The following CENPI variants were observed in gnomAD, a reference collection of about 807,000 sequenced individuals.
CENPI encodes centromere protein I.
In CENPI, 4 loss-of-function variants were observed where a neutral mutation model predicts 60.4. The observed-to-expected ratio is 0.07, with a 90% CI of 0.03 to 0.15. The LOEUF (loss-of-function observed/expected upper bound fraction) is 0.15, where lower values mean the gene tolerates loss of function less well. Among genes scored for constraint, CENPI ranks in the 10% least tolerant of loss-of-function variants. CENPI has a pLI of 1.00. For synonymous variants in CENPI, 157 were observed against 189.4 expected, an observed-to-expected ratio of 0.83 and a Z score of 1.40; for missense variants, 444 against 534.5, an observed-to-expected ratio of 0.83 and a Z score of 1.67.
At chrX:101,129,881 G>A (rs1174727020) in intron 12 of CENPI, 101 bp from the exon 13 acceptor site, 7 of 555,816 alleles carry the variant, frequency 1.3e-5, no homozygotes, top group Non-Finnish European at 2.1e-5. Context: ...GAGACTTATG[G>A]CTTTTTTACT....
At chrX:101,126,992 C>T in intron 9 of CENPI, 146 bp from the exon 10 acceptor site, 2 of 583,236 alleles carry the variant, frequency 3.4e-6, no homozygotes, top group Non-Finnish European at 2.6e-6. Context: ...TAATAGATTA[C>T]TAATCAGAAA....
At chrX:101,126,668 A>G (rs1321030999) in intron 8 of CENPI, 41 bp from the exon 9 acceptor site, 2 of 1,045,957 alleles carry the variant, frequency 1.9e-6, no homozygotes, top group Non-Finnish European at 2.7e-6. Context: ...CAGTTTCTTA[A>G]TAGCCACAGA....
At chrX:101,136,373 A>G (rs1216838972) in intron 15 of CENPI, among the ~76,000 whole-genome samples, 1 of 111,836 alleles carries the variant, frequency 8.9e-6, no homozygotes. Context: ...TCAATGAAAG[A>G]GGACAAGAAG....
downstream of CENPI, among the ~76,000 whole-genome samples, chrX:101,166,898 T>G (rs1167158702): frequency 8.9e-6 from 1 of 112,191 alleles, no homozygotes; most frequent in Non-Finnish European, 1.9e-5. Context: ...TAGCTGGGAT[T>G]ACAGGCACAT....
At chrX:101,147,074 C>T (rs1280301146) in intron 18 of CENPI, among the ~76,000 whole-genome samples, 1 of 111,741 alleles carries the variant, frequency 8.9e-6, no homozygotes, top group Non-Finnish European at 1.9e-5. Flanking sequence ...AGGACTATGT[C>T]AAGGTTAAAA....
At chrX:101,176,949 T>G in the CENPI span, among the ~76,000 whole-genome samples, 1 of 112,491 alleles carries the variant, frequency 8.9e-6, no homozygotes, top group Non-Finnish European at 1.9e-5. Flanking sequence ...CTATTATTGG[T>G]GGAGGCTGTG....
chrX:101,143,190 G>T lies in CENPI; in HGVS notation c.1566-1874G>T, dbSNP rs192660863. ...TGCCTTGGCACTGAAGTATCATGGT[G>T]GTGGGCAGTAGTAGAGTCATCATCA... is the stretch of plus-strand genomic sequence containing the variant. On this transcript the variant is annotated intron_variant, in intron 16 of 21. Coordinates refer to ENST00000682095, the MANE Select transcript of CENPI (RefSeq NM_001386188.2). Among the ~76,000 whole-genome samples the T allele has an allele frequency of 5.4e-5, 6 of 110,707 alleles. No homozygotes were observed. The East Asian group carries it at 1.7e-3, about 31-fold the overall frequency.
In CENPI at chrX:101,161,511, G is replaced by T; in HGVS notation, c.2095-17G>T. ...TTTGTTTTGCTTTGTTTTGTTTTTT[G>T]TTTGTTTGTTTTTAAGGAAAGCCCA... On this transcript the variant is annotated splice_polypyrimidine_tract_variant and intron_variant, in intron 20 of 21. Coordinates refer to ENST00000682095, the MANE Select transcript of CENPI (RefSeq NM_001386188.2). 1 of 1,201,175 alleles carries T rather than the reference G, an allele frequency of 8.3e-7. No homozygotes were observed. Among genetic ancestry groups the T allele is most frequent in the Non-Finnish European group, 1.1e-6 (1 of 887,339 alleles).
rs192331438 is a variant in CENPI at position 101,133,159 on chromosome X, C to T, written c.1470+703C>T. ...ACATGTTGTCCTGGTTAGCGTTTGT[C>T]GTAATTGAATGGCACTTGATTAATT... On this transcript the variant is annotated intron_variant, in intron 15 of 21. Coordinates refer to ENST00000682095, the MANE Select transcript of CENPI (RefSeq NM_001386188.2). Among the ~76,000 whole-genome samples, 168 of 110,063 alleles carry T rather than the reference C, an allele frequency of 1.5e-3. 1 individual carries two copies. Among genetic ancestry groups the T allele is most frequent in the African/African-American group, 5.3e-3 (161 of 30,431 alleles).
the CENPI span, among the ~76,000 whole-genome samples, chrX:101,175,710 AT>A: frequency 2.7e-5 from 3 of 111,914 alleles, no homozygotes; most frequent in Admixed American, 2.9e-4. Context: ...CATGGGATAC[AT>A]TATTACATGT....
the CENPI span, among the ~76,000 whole-genome samples, chrX:101,181,556 TAC>T: frequency 1.8e-5 from 2 of 112,496 alleles, no homozygotes; most frequent in Non-Finnish European, 3.8e-5. Flanking sequence ...TCGATGCTAT[TAC>T]AGATGAAATA....
At chrX:101,159,579 C>T (rs2090087865) in intron 20 of CENPI, among the ~76,000 whole-genome samples, 3 of 111,011 alleles carry the variant, frequency 2.7e-5, no homozygotes, top group Non-Finnish European at 5.7e-5. Flanking sequence ...CTGCCTCAGC[C>T]TCCCAAGTAG....
the CENPI span, among the ~76,000 whole-genome samples, chrX:101,176,415 C>T: frequency 2.7e-5 from 3 of 110,910 alleles, no homozygotes; most frequent in East Asian, 5.7e-4. Flanking sequence ...TATAAGCATT[C>T]CCCTTTCACA....
At chrX:101,139,064 C>T (rs1406493778) in intron 15 of CENPI, among the ~76,000 whole-genome samples, 1 of 97,012 alleles carries the variant, frequency 1.0e-5, no homozygotes, top group Admixed American at 1.2e-4. Flanking sequence ...GCTGGGATTA[C>T]AGACGTGAGC....
chrX:101,147,176 T>C (rs1203411206), intron 18 of CENPI, among the ~76,000 whole-genome samples: 1 of 111,861 alleles, frequency 8.9e-6, no homozygotes, highest in Non-Finnish European at 1.9e-5. Flanking sequence ...TAGGAAAACA[T>C]GTTCTATATC....
intron 20 of CENPI, among the ~76,000 whole-genome samples, chrX:101,159,473 T>C (rs1401289257): frequency 1.8e-5 from 2 of 108,786 alleles, no homozygotes; most frequent in African/African-American, 6.7e-5. Context: ...TTTTTTTCTT[T>C]GTGAGACGGA....
downstream of CENPI, among the ~76,000 whole-genome samples, chrX:101,167,925 G>A (rs2090148260): frequency 8.9e-6 from 1 of 111,871 alleles, no homozygotes; most frequent in African/African-American, 3.2e-5. Context: ...CAGAGGCTCT[G>A]CCAAGGGAGG....
At chrX:101,099,043 CTCT>C (rs2089378151) in intron 2 of CENPI, among the ~76,000 whole-genome samples, 1 of 78,787 alleles carries the variant, frequency 1.3e-5, no homozygotes, top group African/African-American at 6.1e-5. Context: ...CTTTTCTTTT[CTCT>C]TTTCTTTCTT....
intron 8 of CENPI, among the ~76,000 whole-genome samples, chrX:101,125,802 T>C (rs1033799707): frequency 9.0e-6 from 1 of 111,693 alleles, no homozygotes; most frequent in African/African-American, 3.3e-5. Flanking sequence ...CCCCTTACCT[T>C]TTTTAGTATT....
Sources: gnomAD v4.1 joint callset for allele counts (sites outside exome capture counted in the v4.1 genomes callset) on GRCh38, gnomAD v4.1.1 for gene constraint, MANE v1.5 for transcripts, NCBI Gene and HGNC (gene_info 2026-07-23, HGNC 2026-07-21) for gene names.